Variants in BAZ2A observed in about 807,000 individuals in gnomAD.
BAZ2A encodes the protein bromodomain adjacent to zinc finger domain 2A, also known as bromodomain adjacent to zinc finger domain protein 2A.
Under a neutral mutation model 199.9 loss-of-function variants are expected in BAZ2A, and 34 were observed. The ratio of observed to expected loss-of-function variants is 0.17; its 90% CI spans 0.13 to 0.23. The LOEUF (loss-of-function observed/expected upper bound fraction) is 0.23, where lower values mean the gene tolerates loss of function less well. BAZ2A is among the 10% of genes least tolerant of loss of function. The pLI, the probability that BAZ2A is intolerant of heterozygous loss-of-function variation, is 1.00. For synonymous variants in BAZ2A, 857 were observed against 883.9 expected (o/e 0.97, Z 0.54); for missense variants, 2,002 against 2,391.1 (o/e 0.84, Z 3.39).
rs1950268115 is a variant in BAZ2A, at chr12:56,604,094, C to T, written c.3038+123G>A. 2.4e-5 allele frequency: 21 copies of T among 887,872 alleles called. No individual in the cohort carries two copies. The South Asian group carries it at 3.0e-4, about 13-fold the overall frequency. The allele number at this position is 887,872 out of a possible 1,614,324, so 55.0% of individuals were successfully genotyped here. A position where few individuals can be genotyped will look rare whatever the true frequency, so the allele number is the denominator to read the frequency against. On this transcript the variant is annotated intron_variant, in intron 16 of 28. Coordinates refer to ENST00000549884, the MANE Select transcript of BAZ2A (RefSeq NM_001300905.2). ...ACCTTGACTCTAAACCATCCTGGGC[C>T]CTGGTAAGGTCCCAAACCCAGGGAA...
intron 1 of BAZ2A, among the ~76,000 whole-genome samples, chr12:56,628,202 CAGAA>C (rs1212330018): frequency 4.7e-5 from 5 of 106,180 alleles, no homozygotes; most frequent in East Asian, 5.2e-4. Context: ...AAAAAAAAGA[CAGAA>C]AGAAAAAAAA....
At position 56,630,240 on chromosome 12, in the gene BAZ2A, C is replaced by G; in HGVS notation, c.-118G>C. On this transcript the variant is annotated 5_prime_UTR_variant, in exon 1 of 29. Transcript: ENST00000549884. The stretch of plus-strand genomic sequence containing the variant: ...TGGAGACGCCCGCTGGGGAGGGGGT[C>G]TGGGGTCCGGGGTTCGGGAAGGGGG... 1 of 949,364 alleles carries G rather than the reference C, an allele frequency of 1.1e-6. No individual in the cohort carries two copies. Among genetic ancestry groups the G allele is most frequent in the Non-Finnish European group, 1.3e-6 (1 of 796,938 alleles). 58.8% of individuals were successfully genotyped at this position (949,364 alleles called of 1,614,324 possible). A position where few individuals can be genotyped will look rare whatever the true frequency, so the allele number is the denominator to read the frequency against.
In BAZ2A at chr12:56,628,177, C is replaced by CAA. The variant is rs57372528; in HGVS notation, c.-3+1946_-3+1947dup. Reference sequence around the variant, plus strand: ...GGGCGACAAAAGCAAAACTCCGTCTCAAAAAAAAAAAAAAAAAAAAAAGAC... The same window carrying CAA: ...GGGCGACAAAAGCAAAACTCCGTCTCAAAAAAAAAAAAAAAAAAAAAAAAGAC... On this transcript the variant is annotated intron_variant, in intron 1 of 28. Coordinates refer to ENST00000549884, the MANE Select transcript of BAZ2A (RefSeq NM_001300905.2). Among the ~76,000 whole-genome samples, 262 of 27,068 alleles carry CAA rather than the reference C, an allele frequency of 9.7e-3. 1 individual carries two copies. Among genetic ancestry groups the CAA allele is most frequent in the African/African-American group, 0.019 (142 of 7,442 alleles). The allele number at this position is 27,068 out of a possible 152,430, so 17.8% of individuals were successfully genotyped here.
intron 10 of BAZ2A, among the ~76,000 whole-genome samples, chr12:56,608,444 G>A (rs1950439702): frequency 6.6e-6 from 1 of 151,928 alleles, no homozygotes; most frequent in African/African-American, 2.4e-5. Context: ...ATGTCTGAGT[G>A]AAAATCAAAA....
chr12:56,609,696 T>C (rs762721321), intron 10 of BAZ2A, 40 bp downstream of exon 10: 10 of 1,578,850 alleles, frequency 6.3e-6, no homozygotes, highest in African/African-American at 2.7e-5. Context: ...AGATACCTCA[T>C]GGAGGGAGCA....
intron 13 of BAZ2A, 27 bp from the exon 14 acceptor site, chr12:56,605,354 T>C: frequency 6.3e-7 from 1 of 1,580,344 alleles, no homozygotes; most frequent in African/African-American, 1.4e-5. Flanking sequence ...GAGTAGAGAG[T>C]TCTGTTAAAC....
In BAZ2A at chr12:56,630,299, G is replaced by A. The variant is rs935348478; in HGVS notation, c.-177C>T. On this transcript the variant is annotated 5_prime_UTR_variant, in exon 1 of 29. Transcript: ENST00000549884. ...GCGGCTCAACCGCGGGGCCCGAGAG[G>A]AGCCAACATGGCCGGCGGGGGAGGA... 2.0e-6 allele frequency: 2 copies of A among 984,780 alleles called. No homozygotes were observed. Among genetic ancestry groups the A allele is most frequent in the Non-Finnish European group, 1.2e-6 (1 of 829,406 alleles). 61.0% of individuals were successfully genotyped at this position (984,780 alleles called of 1,614,324 possible). A position where few individuals can be genotyped will look rare whatever the true frequency, so the allele number is the denominator to read the frequency against.
In BAZ2A at chr12:56,602,862, G is replaced by A. The variant is rs191887670; in HGVS notation, c.3280-5C>T. On this transcript the variant is annotated splice_region_variant and splice_polypyrimidine_tract_variant and intron_variant, in intron 18 of 28. Coordinates refer to ENST00000549884, the MANE Select transcript of BAZ2A (RefSeq NM_001300905.2). ...TTTGCGAAAGAAAAGCTGACGCTGG[G>A]TAGACAATGAAAATGAAGATGAATA... The A allele has an allele frequency of 7.8e-5, 125 of 1,606,514 alleles. No homozygotes were observed. In the East Asian group the frequency reaches 1.3e-3, roughly 17 times the overall value.
intron 25 of BAZ2A, 33 bp from the exon 26 acceptor site, chr12:56,599,881 T>C: frequency 6.2e-7 from 1 of 1,613,410 alleles, no homozygotes. Context: ...CAGAATGAGC[T>C]CTCCAGCCTC....
In BAZ2A at chr12:56,617,306, A is replaced by G. The variant is rs1002599942; in HGVS notation, c.136+89T>C. ...TCTTAGAAGTTGATTTCTCTCCAGCAGCAAAGTAGAGCAAAATATCCCCCC... is the reference window on the plus strand; with the variant it reads ...TCTTAGAAGTTGATTTCTCTCCAGCGGCAAAGTAGAGCAAAATATCCCCCC... On this transcript the variant is annotated intron_variant, in intron 2 of 28. Transcript: ENST00000549884. 6.1e-5 allele frequency: 79 copies of G among 1,295,708 alleles called. No individual in the cohort carries two copies. The African/African-American group carries it at 8.9e-4, about 15-fold the overall frequency. The allele number at this position is 1,295,708 out of a possible 1,614,324, so 80.3% of individuals were successfully genotyped here. A position where few individuals can be genotyped will look rare whatever the true frequency, so the allele number is the denominator to read the frequency against.
At position 56,611,970 on chromosome 12, in the gene BAZ2A, G is replaced by C; in HGVS notation, c.1412C>G (p.Ser471Cys). ...GGAGACTGCTGGGAGGACTGCTGAG[G>C]AAGCTGGAGAGACCACTGAGAAGAC... ...PAVFSVVSPA[S>C]SAVLPAVSLE... The change falls in exon 6 of 29, where the codon TCC becomes TGC. Residue 471 changes from serine to cysteine, a missense_variant. Coordinates refer to ENST00000549884, the MANE Select transcript of BAZ2A (RefSeq NM_001300905.2). The C allele has an allele frequency of 6.2e-7, 1 of 1,613,458 alleles. No individual in the cohort carries two copies. Among genetic ancestry groups the C allele is most frequent in the South Asian group, 1.1e-5 (1 of 90,882 alleles).
chr12:56,599,611 C>A, intron 26 of BAZ2A, 91 bp downstream of exon 26: 1 of 1,566,414 alleles, frequency 6.4e-7, no homozygotes, highest in Non-Finnish European at 8.7e-7. Context: ...TCCCCTAATA[C>A]CCAGTCTAGG....
intron 1 of BAZ2A, among the ~76,000 whole-genome samples, chr12:56,623,191 G>A (rs557206522): frequency 7.3e-5 from 11 of 151,572 alleles, no homozygotes; most frequent in Middle Eastern, 3.4e-3. Flanking sequence ...AGCCGAGATC[G>A]CGTCACTGCA....
At chr12:56,612,705 C>T (rs968778157) in intron 5 of BAZ2A, among the ~76,000 whole-genome samples, 8 of 152,334 alleles carry the variant, frequency 5.3e-5, no homozygotes, top group East Asian at 1.9e-4. Flanking sequence ...TCACTGCAAC[C>T]TCTGCCTCCT....
At chr12:56,603,824 C>G in intron 16 of BAZ2A, 124 bp from the exon 17 acceptor site, 2 of 1,077,596 alleles carry the variant, frequency 1.9e-6, no homozygotes, top group South Asian at 3.2e-5. Flanking sequence ...ACCAGCCTGG[C>G]CAACATGGTG....
At chr12:56,621,935 C>T (rs576872031) in intron 1 of BAZ2A, among the ~76,000 whole-genome samples, 2 of 152,180 alleles carry the variant, frequency 1.3e-5, no homozygotes, top group South Asian at 2.1e-4. Context: ...AGCAATTCTC[C>T]CACCTTGACC....
chr12:56,631,212 G>A (rs984523427), upstream of BAZ2A, among the ~76,000 whole-genome samples: 1 of 152,014 alleles, frequency 6.6e-6, no homozygotes, highest in Admixed American at 6.6e-5. Flanking sequence ...CAGCACTTTG[G>A]GAGGCCGAGG....
Position 56,601,774 on chromosome 12 carries a change from C to T in BAZ2A, c.3843G>A (p.Leu1281=). 1.2e-6 allele frequency: 2 copies of T among 1,613,960 alleles called. No individual in the cohort carries two copies. Among genetic ancestry groups the T allele is most frequent in the Non-Finnish European group, 1.7e-6 (2 of 1,179,892 alleles). The change falls in exon 20 of 29, where the codon TTG becomes TTA. Residue 1281 remains leucine, a synonymous_variant. Transcript: ENST00000549884. ...LSQTQSHSSL[L]SSSVLTPDSS... ...TATCAGGTGTGAGGACTGAGCTGCT[C>T]AACAGGGAGCTATGGCTCTGAGTCT...
chr12:56,635,004 C>G (rs1951414065), upstream of BAZ2A: 7 of 984,466 alleles, frequency 7.1e-6, no homozygotes, highest in Non-Finnish European at 8.4e-6. The surrounding 1 kb of genome is among the most constrained non-coding windows in gnomAD (Gnocchi z 4.1). Context: ...GTGGCCGAGC[C>G]GGGCGGCGGC....
Sources: allele counts gnomAD v4.1 joint callset (sites outside exome capture counted in the v4.1 genomes callset), GRCh38; gene constraint gnomAD v4.1.1; non-coding constraint Gnocchi (gnomAD v3.1); transcripts MANE v1.5; gene names NCBI Gene and HGNC (gene_info 2026-07-23, HGNC 2026-07-21).